The following HAGH variants were observed in gnomAD, a reference collection of about 807,000 sequenced individuals.
HAGH encodes the protein hydroxyacylglutathione hydrolase, mitochondrial.
In HAGH, 29 loss-of-function variants were observed where a neutral mutation model predicts 35.1. The observed-to-expected ratio is 0.83, with a 90% CI of 0.62 to 1.13. The LOEUF (loss-of-function observed/expected upper bound fraction) is 1.13. Ranked by LOEUF, HAGH falls within the 50% of genes most tolerant of loss-of-function variation. The probability of loss-of-function intolerance (pLI) is 0.00; values close to 1 mark genes in which losing one functional copy is unlikely to be tolerated. For missense variants in HAGH, 478 were observed against 419.6 expected (o/e 1.14, Z -1.22); for synonymous variants, 225 against 176.1 (o/e 1.28, Z -2.20).
chr16:1,823,220 G>A (rs1209629760), intron 1 of HAGH, among the ~76,000 whole-genome samples, 183 bp from the exon 2 acceptor site: 1 of 152,136 alleles, frequency 6.6e-6, no homozygotes. Flanking sequence ...CTGCTTGAGG[G>A]CAGGAGTTTG....
At chr16:1,812,604 G>A (rs1897709312) in intron 7 of HAGH, among the ~76,000 whole-genome samples, 1 of 151,506 alleles carries the variant, frequency 6.6e-6, no homozygotes, top group Admixed American at 6.6e-5. Flanking sequence ...GGGGGTGGGA[G>A]TTCATACTAA....
chr16:1,822,431 G>A (rs949762007), intron 2 of HAGH, 67 bp from the exon 3 acceptor site: 54 of 1,212,504 alleles, frequency 4.5e-5, no homozygotes, highest in Non-Finnish European at 6.1e-5. Flanking sequence ...GGCCTATATG[G>A]TAGGGTGCCC....
At chr16:1,826,549 A>T (rs1596949019) in intron 1 of HAGH, 163 bp downstream of exon 1, 1 of 704,178 alleles carries the variant, frequency 1.4e-6, no homozygotes, top group South Asian at 7.3e-5. Context: ...GCTCCGCGCC[A>T]GCCTCAGCGC....
intron 7 of HAGH, among the ~76,000 whole-genome samples, chr16:1,813,229 T>C (rs1314792439): frequency 6.6e-6 from 1 of 152,030 alleles, no homozygotes; most frequent in Non-Finnish European, 1.5e-5. Context: ...AACTTTTGCC[T>C]CCCCCACTCT....
chr16:1,827,092 G>T (rs1053291674), upstream of HAGH: 16 of 1,251,228 alleles, frequency 1.3e-5, no homozygotes, highest in African/African-American at 1.8e-4. Context: ...CGAGCGCCAC[G>T]CCGCCCGGGT....
Position 1,809,094 on chromosome 16 carries a change from A to C in HAGH, c.*189T>G. ...TAAAGGCCAGAAGAAAACAGTCTGC[A>C]AGGGGAAGTTATGGGAATAAATACT... On this transcript the variant is annotated 3_prime_UTR_variant, in exon 9 of 9. Transcript: ENST00000397356. 1 of 556,242 alleles carries C rather than the reference A, an allele frequency of 1.8e-6. No individual in the cohort carries two copies. Among genetic ancestry groups the C allele is most frequent in the East Asian group, 2.9e-5 (1 of 34,346 alleles). The allele number at this position is 556,242 out of a possible 1,614,324, so 34.5% of individuals were successfully genotyped here.
chr16:1,819,045 G>T (rs767377447), intron 5 of HAGH, 70 bp downstream of exon 5: 5 of 983,546 alleles, frequency 5.1e-6, no homozygotes, highest in Non-Finnish European at 8.0e-6. Context: ...GCTGCCCCGT[G>T]AGCCTGCCTG....
At position 1,816,987 on chromosome 16, in the gene HAGH, T is replaced by C; in HGVS notation, c.653A>G (p.Tyr218Cys). The C allele has an allele frequency of 6.2e-7, 1 of 1,608,108 alleles. No homozygotes were observed. The highest frequency in any genetic ancestry group is 8.5e-7 in the Non-Finnish European group (1 of 1,174,554). ...GTTGATGGTGTACTCGTGGCCACAG[T>C]AGACTCTCTGAGGAGAGAGGTGACA... is the stretch of plus-strand genomic sequence containing the variant. ...LGRLPPDTRV[Y>C]CGHEYTINNL... Residue 218 changes from tyrosine (Y) to cysteine (C), a missense_variant, in exon 7 of 9, where the codon TAC becomes TGC. Transcript: ENST00000397356.
chr16:1,813,397 C>T (rs369654398), intron 7 of HAGH, among the ~76,000 whole-genome samples: 120 of 152,306 alleles, frequency 7.9e-4, no homozygotes, highest in African/African-American at 2.7e-3. Flanking sequence ...TTATAAGTCA[C>T]CCGGCCTCAA....
intron 5 of HAGH, 77 bp downstream of exon 5, chr16:1,819,038 G>A (rs1055784265): frequency 4.4e-6 from 4 of 901,314 alleles, no homozygotes; most frequent in East Asian, 5.1e-5. Flanking sequence ...CCACGAAGCT[G>A]CCCCGTGAGC....
rs1897916899 is a variant in HAGH, at chr16:1,816,899, C to G, written c.741G>C (p.Trp247Cys). The G allele has an allele frequency of 6.2e-7, 1 of 1,610,688 alleles. No homozygotes were observed. Among genetic ancestry groups the G allele is most frequent in the Non-Finnish European group, 8.5e-7 (1 of 1,177,236 alleles). The change falls in exon 7 of 9, where the codon TGG (tryptophan) becomes TGC (cysteine). Residue 247 changes from tryptophan (W) to cysteine (C), a missense_variant. Transcript: ENST00000397356. ...GNAAIREKLA[W>C]AKEKYSIGEP... ...CAGTGACGGCCCCACTCACCTTGGC[C>G]CAGGCCAGCTTCTCCCGGATGGCGG...
intron 1 of HAGH, 104 bp downstream of exon 1, chr16:1,826,608 C>T: frequency 1.0e-6 from 1 of 980,986 alleles, no homozygotes; most frequent in Non-Finnish European, 1.2e-6. Flanking sequence ...GGCACCTGCG[C>T]AACAGACACC....
chr16:1,817,355 TCA>T, intron 5 of HAGH, 84 bp from the exon 6 acceptor site: 1 of 888,970 alleles, frequency 1.1e-6, no homozygotes, highest in Non-Finnish European at 1.9e-6. Flanking sequence ...AGGGTGACAC[TCA>T]CCGGCAAGGC....
At chr16:1,815,642 T>A (rs11866526) in intron 7 of HAGH, among the ~76,000 whole-genome samples, 33,635 of 152,086 alleles carry the variant, frequency 0.22, 3,804 homozygotes, top group South Asian at 0.29. Flanking sequence ...GGGGTAGTGG[T>A]AAGTTCCACA....
At chr16:1,811,750 T>C (rs1897658029) in intron 7 of HAGH, among the ~76,000 whole-genome samples, 1 of 152,082 alleles carries the variant, frequency 6.6e-6, no homozygotes, top group African/African-American at 2.4e-5. Flanking sequence ...GGTCAGTCCT[T>C]GCAGCACAGC....
At chr16:1,819,795 G>C in intron 4 of HAGH, 102 bp downstream of exon 4, 1 of 771,950 alleles carries the variant, frequency 1.3e-6, no homozygotes, top group South Asian at 1.4e-5. Context: ...GAGCACTCCC[G>C]GGTCACTGGG....
At chr16:1,809,732 CA>C in intron 8 of HAGH, 21 bp downstream of exon 8, 1 of 1,570,600 alleles carries the variant, frequency 6.4e-7, no homozygotes, top group Non-Finnish European at 8.8e-7. Context: ...GGCCCGCGCC[CA>C]CCACCTGCCC....
intron 1 of HAGH, 123 bp downstream of exon 1, chr16:1,826,589 G>A: frequency 2.0e-6 from 2 of 982,174 alleles, no homozygotes; most frequent in Middle Eastern, 5.2e-4. Context: ...GCCCGGCAGC[G>A]CGGCCTTAGG....
chr16:1,812,594 G>A (rs189811949), intron 7 of HAGH, among the ~76,000 whole-genome samples: 2 of 151,724 alleles, frequency 1.3e-5, no homozygotes, highest in Admixed American at 1.3e-4. Context: ...CAGACATTTG[G>A]GGGGTGGGAG....
Sources: gnomAD v4.1 joint callset for allele counts (sites outside exome capture counted in the v4.1 genomes callset) on GRCh38, gnomAD v4.1.1 for gene constraint, MANE v1.5 for transcripts, NCBI Gene and HGNC (gene_info 2026-07-23, HGNC 2026-07-21) for gene names.